The following PLAT variants were observed in gnomAD, a reference collection of about 807,000 sequenced individuals.
The protein encoded by PLAT is tissue-type plasminogen activator.
PLAT carries 48 observed loss-of-function variants against 74.9 expected under a neutral mutation model. The ratio of observed to expected loss-of-function variants is 0.64; its 90% CI spans 0.51 to 0.82. PLAT has a LOEUF of 0.82. Among genes scored for constraint, PLAT ranks in the 40% least tolerant of loss-of-function variants. The pLI is 0.00. For missense variants in PLAT, 673 were observed against 736.2 expected (o/e 0.91, Z 0.99); for synonymous variants, 307 against 294.4 (o/e 1.04, Z -0.44).
chr8:42,192,262 C>T (rs1167324990), intron 2 of PLAT, among the ~76,000 whole-genome samples: 1 of 152,162 alleles, frequency 6.6e-6, no homozygotes, highest in Non-Finnish European at 1.5e-5. Flanking sequence ...CCTCGGCCTC[C>T]CAAAGTGCTG....
intron 7 of PLAT, among the ~76,000 whole-genome samples, chr8:42,183,131 G>A (rs1364850193): frequency 6.6e-6 from 1 of 152,150 alleles, no homozygotes; most frequent in Non-Finnish European, 1.5e-5. Context: ...AGCCTCCCGA[G>A]TAGGTGGGGT....
At chr8:42,177,246 G>A (rs1160560078) in intron 13 of PLAT, among the ~76,000 whole-genome samples, 19 of 152,184 alleles carry the variant, frequency 1.2e-4, no homozygotes, top group Admixed American at 1.1e-3. Context: ...CATGAGCCCC[G>A]CACCTGACCA....
At position 42,176,130 on chromosome 8, in the gene PLAT, C is replaced by A. The variant is rs780035549; in HGVS notation, c.1552G>T (p.Val518Leu). 1 of 1,613,802 alleles carries A rather than the reference C, an allele frequency of 6.2e-7. No homozygotes were observed. ...GTCATGCGGCCATCGTTCAGACACA[C>A]CAGGGGGCCTCCCGAATCGCCCTGC... ...ACQGDSGGPL[V>L]CLNDGRMTLV... The change falls in exon 14 of 14, where the codon GTG becomes TTG. Residue 518 changes from valine to leucine, a missense_variant. Val to Leu is a conservative substitution (Grantham distance 32). Transcript: ENST00000220809.
chr8:42,180,728 C>T (rs879159162), intron 9 of PLAT, 43 bp from the exon 10 acceptor site: 4 of 1,449,500 alleles, frequency 2.8e-6, no homozygotes, highest in South Asian at 2.7e-5. Flanking sequence ...CCACAGGCCT[C>T]CTGCACGTGT....
chr8:42,178,858 CT>C, intron 13 of PLAT, 38 bp downstream of exon 13: 1 of 1,602,196 alleles, frequency 6.2e-7, no homozygotes. Flanking sequence ...GCATTCTCCC[CT>C]GGGTTGTGCC....
intron 11 of PLAT, 26 bp from the exon 12 acceptor site, chr8:42,180,092 C>A (rs960138157): frequency 6.3e-7 from 1 of 1,597,440 alleles, no homozygotes; most frequent in Non-Finnish European, 8.5e-7. Context: ...GAGGAGTGAG[C>A]TGGCGTGAGG....
chr8:42,194,565 T>C (rs1587940778), intron 1 of PLAT, among the ~76,000 whole-genome samples: 1 of 152,214 alleles, frequency 6.6e-6, no homozygotes, highest in African/African-American at 2.4e-5. Context: ...ACCACAGCGC[T>C]CTGGCTTGGT....
At position 42,182,033 on chromosome 8, in the gene PLAT, A is replaced by G. The variant is rs756332439; in HGVS notation, c.804-11T>C. ...TCCCCATCAGGATTCCTAAATGATA[A>G]GAGAGTTTAAGGTTTCCTTTTTATC... On this transcript the variant is annotated splice_polypyrimidine_tract_variant and intron_variant, in intron 8 of 13. Coordinates refer to ENST00000220809, the MANE Select transcript of PLAT (RefSeq NM_000930.5). 4 of 1,535,154 alleles carry G rather than the reference A, an allele frequency of 2.6e-6. No homozygotes were observed. Among genetic ancestry groups the G allele is most frequent in the African/African-American group, 2.7e-5 (2 of 73,338 alleles).
chr8:42,192,989 G>A (rs1364108705), intron 2 of PLAT, 125 bp downstream of exon 2: 10 of 677,064 alleles, frequency 1.5e-5, no homozygotes, highest in East Asian at 5.3e-5. Context: ...CCAGCCCCTC[G>A]TCCCTGTGCC....
intron 1 of PLAT, among the ~76,000 whole-genome samples, chr8:42,203,992 TACACACACACACACAC>T (rs775189467): frequency 1.8e-5 from 2 of 109,868 alleles, no homozygotes; most frequent in Admixed American, 9.0e-5. Flanking sequence ...TATATATATA[TACACACACACACACAC>T]ACACACACAC....
chr8:42,181,787 C>T (rs888062786), intron 9 of PLAT, 150 bp downstream of exon 9: 7 of 284,358 alleles, frequency 2.5e-5, no homozygotes, highest in South Asian at 8.4e-5. Flanking sequence ...CCCACCGTGG[C>T]TTCAGTCATG....
chr8:42,179,977 G>A lies in PLAT; in HGVS notation c.1312C>T (p.Leu438=). 1.2e-6 allele frequency: 2 copies of A among 1,608,716 alleles called. No individual in the cohort carries two copies. The highest frequency in any genetic ancestry group is 2.2e-5 in the South Asian group (2 of 90,346). The change falls in exon 12 of 14, where the codon CTG becomes TTG. Residue 438 remains leucine, a synonymous_variant. Transcript: ENST00000220809. ...AGCTCACACTCCGTCCAGTCCGGCAGCTGCAGGTCCGCCGGGGGAAGGCAC... is the reference window on the plus strand; with the variant it reads ...AGCTCACACTCCGTCCAGTCCGGCAACTGCAGGTCCGCCGGGGGAAGGCAC... ...TVCLPPADLQ[L]PDWTECELSG... is the part of the protein sequence containing the mutation.
At chr8:42,182,594 A>G in intron 8 of PLAT, 125 bp downstream of exon 8, 1 of 689,534 alleles carries the variant, frequency 1.5e-6, no homozygotes, top group Non-Finnish European at 2.5e-6. Flanking sequence ...GGATTAGATA[A>G]TATCCATGGG....
At chr8:42,193,496 C>A in intron 1 of PLAT, 1 of 289,600 alleles carries the variant, frequency 3.5e-6, no homozygotes, top group Non-Finnish European at 6.7e-6. Flanking sequence ...CCGCCCATCT[C>A]CAGAACTTCT....
chr8:42,203,992 T>TACACACACACAC (rs775189467), intron 1 of PLAT, among the ~76,000 whole-genome samples: 67 of 109,744 alleles, frequency 6.1e-4, no homozygotes, highest in African/African-American at 3.0e-3. Context: ...TATATATATA[T>TACACACACACAC]ACACACACAC....
chr8:42,181,409 C>T (rs1436099646), intron 9 of PLAT, among the ~76,000 whole-genome samples: 1 of 152,204 alleles, frequency 6.6e-6, no homozygotes, highest in African/African-American at 2.4e-5. Flanking sequence ...CGTGGAAGAT[C>T]TCACAGTGGA....
At chr8:42,184,870 TGAG>T (rs1805389714) in intron 7 of PLAT, 2 of 430,112 alleles carry the variant, frequency 4.6e-6, no homozygotes, top group African/African-American at 2.0e-5. Flanking sequence ...GGTCAGAGTG[TGAG>T]GAGATCAGCT....
chr8:42,202,869 CGAA>C (rs1313553695), intron 1 of PLAT, among the ~76,000 whole-genome samples: 2 of 152,058 alleles, frequency 1.3e-5, no homozygotes, highest in African/African-American at 4.8e-5. Flanking sequence ...CGGGAACACA[CGAA>C]GGAGTTAGGC....
rs557637788 is a variant in PLAT at position 42,192,008 on chromosome 8, T to C, written c.73-594A>G. ...GCACTTGCATTGCCTTTTTCTTTTT[T>C]TTTTTTTTTTTTTGAGACAGGATCT... On this transcript the variant is annotated intron_variant, in intron 2 of 13. Coordinates refer to ENST00000220809, the MANE Select transcript of PLAT (RefSeq NM_000930.5). Among the ~76,000 whole-genome samples the C allele has an allele frequency of 8.0e-5, 12 of 150,264 alleles. No homozygotes were observed. The South Asian group carries it at 8.5e-4, about 11-fold the overall frequency.
Sources: gnomAD v4.1 joint callset for allele counts (sites outside exome capture counted in the v4.1 genomes callset) on GRCh38, gnomAD v4.1.1 for gene constraint, MANE v1.5 for transcripts, NCBI Gene and HGNC (gene_info 2026-07-23, HGNC 2026-07-21) for gene names.